The following ARB2A variants were observed in gnomAD, a reference collection of about 807,000 sequenced individuals.
ARB2A encodes ARB2 cotranscriptional regulator A, also known as cotranscriptional regulator ARB2A.
chr5:94,042,507 G>A, the ARB2A span, among the ~76,000 whole-genome samples: 8 of 151,780 alleles, frequency 5.3e-5, no homozygotes, highest in East Asian at 3.9e-4. Flanking sequence ...GGTTTTCACC[G>A]TGTTAGCCAG....
the ARB2A span, among the ~76,000 whole-genome samples, chr5:93,629,244 A>C: frequency 6.6e-6 from 1 of 152,210 alleles, no homozygotes; most frequent in African/African-American, 2.4e-5. Flanking sequence ...TAACTTTGCC[A>C]TCTTCTATGG....
At chr5:93,954,033 T>C in the ARB2A span, among the ~76,000 whole-genome samples, 1 of 152,100 alleles carries the variant, frequency 6.6e-6, no homozygotes, top group Non-Finnish European at 1.5e-5. Flanking sequence ...TGGGCTCCCT[T>C]CTAGCCCACA....
At chr5:93,834,271 A>G in the ARB2A span, among the ~76,000 whole-genome samples, 1 of 152,230 alleles carries the variant, frequency 6.6e-6, no homozygotes, top group African/African-American at 2.4e-5. Context: ...TGAGACCATA[A>G]GTATTGTTAT....
chr5:94,060,447 C>A, the ARB2A span, among the ~76,000 whole-genome samples: 1 of 152,056 alleles, frequency 6.6e-6, no homozygotes, highest in Non-Finnish European at 1.5e-5. Context: ...AAACCACAAA[C>A]TACTAAAACT....
chr5:93,774,249 A>G, the ARB2A span, among the ~76,000 whole-genome samples: 6 of 152,316 alleles, frequency 3.9e-5, no homozygotes, highest in Admixed American at 3.9e-4. Flanking sequence ...ACACAGTAAT[A>G]TTGAAATGAG....
At chr5:93,640,341 C>T in the ARB2A span, among the ~76,000 whole-genome samples, 3 of 150,264 alleles carry the variant, frequency 2.0e-5, no homozygotes, top group African/African-American at 4.9e-5. Flanking sequence ...CCCAGCTACT[C>T]GGGAGGCTGA....
the ARB2A span, among the ~76,000 whole-genome samples, chr5:93,658,166 A>G: frequency 6.6e-6 from 1 of 152,128 alleles, no homozygotes; most frequent in Non-Finnish European, 1.5e-5. Context: ...AACACAAGAC[A>G]TGGTCAACTT....
the ARB2A span, among the ~76,000 whole-genome samples, chr5:93,723,747 A>G: frequency 6.6e-6 from 1 of 152,062 alleles, no homozygotes; most frequent in African/African-American, 2.4e-5. Context: ...ATGGTTTTTA[A>G]AAAGGGATAA....
At chr5:94,105,086 G>A in the ARB2A span, among the ~76,000 whole-genome samples, 1 of 151,956 alleles carries the variant, frequency 6.6e-6, no homozygotes, top group African/African-American at 2.4e-5. Flanking sequence ...ACCGGAACAA[G>A]ACAAGCATGC....
chr5:93,619,055 T>C, the ARB2A span: 1 of 152,222 alleles, frequency 6.6e-6, no homozygotes, highest in African/African-American at 2.4e-5. Flanking sequence ...GAAAAATATA[T>C]TCAATTCACA....
chr5:93,992,525 A>G, the ARB2A span, among the ~76,000 whole-genome samples: 2 of 152,086 alleles, frequency 1.3e-5, no homozygotes, highest in African/African-American at 4.8e-5. Flanking sequence ...AATTAGATTT[A>G]TCACTTTTAG....
the ARB2A span, among the ~76,000 whole-genome samples, chr5:94,043,293 C>T: frequency 2.0e-5 from 3 of 152,090 alleles, no homozygotes; most frequent in East Asian, 1.9e-4. Context: ...CTGATCTTTT[C>T]GTTTTACAGT....
At chr5:93,921,672 C>CTCTACTG in the ARB2A span, among the ~76,000 whole-genome samples, 3 of 152,090 alleles carry the variant, frequency 2.0e-5, no homozygotes, top group Admixed American at 1.3e-4. Flanking sequence ...CATAGGCTAA[C>CTCTACTG]TCTACTGTTT....
the ARB2A span, among the ~76,000 whole-genome samples, chr5:93,754,426 C>T: frequency 6.6e-6 from 1 of 152,206 alleles, no homozygotes; most frequent in Non-Finnish European, 1.5e-5. Flanking sequence ...TGAATTAATG[C>T]ATGAAGACTG....
the ARB2A span, chr5:93,865,764 G>C: frequency 4.1e-6 from 4 of 985,272 alleles, no homozygotes; most frequent in Admixed American, 2.5e-4. Flanking sequence ...GAACAAAACT[G>C]ACTATAATGA....
At chr5:93,876,135 T>G in the ARB2A span, among the ~76,000 whole-genome samples, 1 of 152,224 alleles carries the variant, frequency 6.6e-6, no homozygotes. Flanking sequence ...TTTCATCGTT[T>G]TACAAAGTAC....
chr5:93,896,700 T>C, the ARB2A span, among the ~76,000 whole-genome samples: 1 of 152,086 alleles, frequency 6.6e-6, no homozygotes, highest in Non-Finnish European at 1.5e-5. Flanking sequence ...AGCATTTCAA[T>C]GACTAAAATG....
At chr5:93,782,877 G>T in the ARB2A span, among the ~76,000 whole-genome samples, 3 of 152,032 alleles carry the variant, frequency 2.0e-5, no homozygotes, top group African/African-American at 4.8e-5. Flanking sequence ...GGAACTGAGA[G>T]AACTATCCAA....
chr5:94,036,811 G>A, the ARB2A span, among the ~76,000 whole-genome samples: 1 of 152,248 alleles, frequency 6.6e-6, no homozygotes, highest in African/African-American at 2.4e-5. Flanking sequence ...CAGGAATCAG[G>A]TATTTCTCCA....
Sources: gnomAD v4.1 joint callset for allele counts (sites outside exome capture counted in the v4.1 genomes callset) on GRCh38, gnomAD v4.1.1 for gene constraint, MANE v1.5 for transcripts, NCBI Gene and HGNC (gene_info 2026-07-23, HGNC 2026-07-21) for gene names.